Variants in THRB observed in about 807,000 individuals in gnomAD.
THRB encodes the protein nuclear receptor subfamily 1 group A member 2.
THRB carries 12 observed loss-of-function variants against 47.8 expected under a neutral mutation model. That is an observed-to-expected ratio of 0.25 (90% CI 0.16 to 0.41). The LOEUF (loss-of-function observed/expected upper bound fraction) is 0.41. Ranked by LOEUF, THRB falls within the 10% of genes least tolerant of loss-of-function variation. The pLI is 1.00. For missense variants in THRB, 348 were observed against 589.2 expected, an observed-to-expected ratio of 0.59 and a Z score of 4.24; for synonymous variants, 218 against 212.2, an observed-to-expected ratio of 1.03 and a Z score of -0.24.
chr3:24,465,474 C>A (rs906484989), intron 1 of THRB, among the ~76,000 whole-genome samples: 11 of 152,106 alleles, frequency 7.2e-5, no homozygotes, highest in African/African-American at 2.2e-4. Flanking sequence ...ATTATCTCGG[C>A]TCACTGCAAC....
chr3:24,419,739 C>G (rs888458106), intron 1 of THRB, among the ~76,000 whole-genome samples: 14 of 151,912 alleles, frequency 9.2e-5, no homozygotes, highest in Admixed American at 5.9e-4. Context: ...CATCTTCTAT[C>G]TTTGAGAATC....
At chr3:24,454,068 A>G (rs577595535) in intron 1 of THRB, among the ~76,000 whole-genome samples, 2 of 152,236 alleles carry the variant, frequency 1.3e-5, no homozygotes, top group Non-Finnish European at 2.9e-5. Context: ...TTTGCAAATC[A>G]TATCTCTGAT....
At chr3:24,403,240 A>G (rs2067563186) in intron 1 of THRB, among the ~76,000 whole-genome samples, 1 of 151,966 alleles carries the variant, frequency 6.6e-6, no homozygotes, top group Non-Finnish European at 1.5e-5. Context: ...CTTTACATAC[A>G]TAGGGGAAGT....
At chr3:24,257,834 C>A (rs1404471431) in intron 3 of THRB, among the ~76,000 whole-genome samples, 1 of 152,220 alleles carries the variant, frequency 6.6e-6, no homozygotes, top group Non-Finnish European at 1.5e-5. Flanking sequence ...CACTGTGAGG[C>A]CTTGAGCATT....
intron 1 of THRB, among the ~76,000 whole-genome samples, chr3:24,343,461 G>A (rs1443576983): frequency 6.6e-6 from 1 of 152,108 alleles, no homozygotes; most frequent in African/African-American, 2.4e-5. Flanking sequence ...GAACAGAAAC[G>A]AAACAAGCGC....
At chr3:24,137,353 A>G (rs1213774623) in intron 8 of THRB, among the ~76,000 whole-genome samples, 5 of 152,220 alleles carry the variant, frequency 3.3e-5, no homozygotes, top group Non-Finnish European at 5.9e-5. Context: ...ATCCTCAAGG[A>G]CCTTGCATTG....
At chr3:24,341,996 G>T (rs1347224901) in intron 1 of THRB, among the ~76,000 whole-genome samples, 1 of 152,044 alleles carries the variant, frequency 6.6e-6, no homozygotes, top group Non-Finnish European at 1.5e-5. Flanking sequence ...GCCCACCCAA[G>T]ACTGGCAGAA....
intron 4 of THRB, among the ~76,000 whole-genome samples, chr3:24,219,917 G>A (rs2046984999): frequency 6.6e-6 from 1 of 152,162 alleles, no homozygotes; most frequent in South Asian, 2.1e-4. Flanking sequence ...AACACCAGAT[G>A]CGTAGCGGAA....
intron 4 of THRB, among the ~76,000 whole-genome samples, chr3:24,191,815 C>T (rs913181615): frequency 2.6e-5 from 4 of 152,158 alleles, no homozygotes; most frequent in Non-Finnish European, 4.4e-5. Flanking sequence ...ACAATAGTAA[C>T]AAAGTAACAA....
intron 1 of THRB, among the ~76,000 whole-genome samples, chr3:24,402,616 T>TC (rs2067507749): frequency 1.3e-5 from 2 of 151,442 alleles, no homozygotes; most frequent in South Asian, 4.2e-4. Context: ...ATAAAATGTA[T>TC]CAATTAAACA....
At chr3:24,340,171 G>A (rs2062534248) in intron 1 of THRB, among the ~76,000 whole-genome samples, 1 of 152,156 alleles carries the variant, frequency 6.6e-6, no homozygotes, top group Non-Finnish European at 1.5e-5. Context: ...TTACTGGCCT[G>A]TTTTTTGACA....
chr3:24,154,736 C>T (rs1044169882), intron 5 of THRB, among the ~76,000 whole-genome samples: 9 of 152,150 alleles, frequency 5.9e-5, no homozygotes, highest in Non-Finnish European at 1.0e-4. Context: ...CTGGTAAAGG[C>T]AGATGGAATA....
chr3:24,385,558 A>G (rs1303667672), intron 1 of THRB, among the ~76,000 whole-genome samples: 1 of 152,130 alleles, frequency 6.6e-6, no homozygotes, highest in Non-Finnish European at 1.5e-5. Flanking sequence ...TAAATCCTTG[A>G]GAGTTTGGAC....
chr3:24,345,994 A>T (rs570445368), intron 1 of THRB, among the ~76,000 whole-genome samples: 1 of 152,270 alleles, frequency 6.6e-6, no homozygotes, highest in African/African-American at 2.4e-5. Flanking sequence ...GCAGACCAAA[A>T]CTAAAAGAAT....
intron 3 of THRB, chr3:24,237,984 G>C (rs977286933): frequency 2.0e-5 from 3 of 152,080 alleles, no homozygotes; most frequent in African/African-American, 7.2e-5. Context: ...AATTTTATGA[G>C]ACCAACCTGA....
chr3:24,489,671 T>C (rs1044062800), intron 1 of THRB, among the ~76,000 whole-genome samples: 3 of 152,180 alleles, frequency 2.0e-5, no homozygotes, highest in Non-Finnish European at 4.4e-5. Context: ...GCTGACAGTA[T>C]ATAAAGACTT....
chr3:24,220,591 G>A (rs144325358), intron 4 of THRB, among the ~76,000 whole-genome samples: 3 of 152,162 alleles, frequency 2.0e-5, no homozygotes, highest in African/African-American at 4.8e-5. Context: ...TGGTCACCTG[G>A]CTGTCATTTT....
At chr3:24,230,858 A>G (rs1311666179) in intron 3 of THRB, among the ~76,000 whole-genome samples, 1 of 152,180 alleles carries the variant, frequency 6.6e-6, no homozygotes, top group Non-Finnish European at 1.5e-5. Context: ...GGAGAGAGAA[A>G]GAGATATTAT....
chr3:24,180,777 A>C (rs1470474965), intron 5 of THRB, among the ~76,000 whole-genome samples: 2 of 152,224 alleles, frequency 1.3e-5, no homozygotes. Context: ...GCCCTATGCC[A>C]GGGCAGGTTG....
Sources: gnomAD v4.1 joint callset for allele counts (sites outside exome capture counted in the v4.1 genomes callset) on GRCh38, gnomAD v4.1.1 for gene constraint, MANE v1.5 for transcripts, NCBI Gene and HGNC (gene_info 2026-07-23, HGNC 2026-07-21) for gene names.